PPEF1: variants seen among roughly 807,000 people sequenced by gnomAD.
PPEF1 encodes serine/threonine-protein phosphatase with EF-hands 1.
Under a neutral mutation model 53.3 loss-of-function variants are expected in PPEF1, and 12 were observed. That is an observed-to-expected ratio of 0.23 (90% CI 0.14 to 0.36). The LOEUF is 0.36. Among genes scored for constraint, PPEF1 ranks in the 10% least tolerant of loss-of-function variants. The pLI is 1.00. For missense variants in PPEF1, 334 were observed against 490.4 expected (o/e 0.68, Z 3.01); for synonymous variants, 165 against 176.7 (o/e 0.93, Z 0.52).
At chrX:18,810,628 T>C (rs1380204468) in intron 12 of PPEF1, among the ~76,000 whole-genome samples, 3 of 112,298 alleles carry the variant, frequency 2.7e-5, no homozygotes, top group East Asian at 5.5e-4. Flanking sequence ...GATCACACAA[T>C]ATGTGGTCTT....
chrX:18,696,153 C>T (rs1217414149), intron 4 of PPEF1, among the ~76,000 whole-genome samples: 1 of 110,150 alleles, frequency 9.1e-6, no homozygotes, highest in Non-Finnish European at 1.9e-5. Context: ...TAGAGTCCTT[C>T]GATTTTTTTT....
chrX:18,741,994 C>T (rs1252745022), intron 3 of PPEF1, among the ~76,000 whole-genome samples: 8 of 109,322 alleles, frequency 7.3e-5, no homozygotes, highest in Non-Finnish European at 1.1e-4. Flanking sequence ...GATGGGGTTT[C>T]GCCTTGTTGG....
In PPEF1 at chrX:18,812,006, T is replaced by C. The variant is rs1027616110; in HGVS notation, c.1394+5461T>C. On this transcript the variant is annotated intron_variant, in intron 12 of 15. Transcript: ENST00000470157. ...TTTGTAGTGCAAACATTTTTCATTT[T>C]GATGAAATCCAATTTATGTGCTTTT... Among the ~76,000 whole-genome samples, 4 of 111,773 alleles carry C rather than the reference T, an allele frequency of 3.6e-5. No individual in the cohort carries two copies. In the East Asian group the frequency reaches 8.4e-4, roughly 23 times the overall value.
chrX:18,693,273 G>A (rs751505406), intron 4 of PPEF1, among the ~76,000 whole-genome samples: 2 of 111,895 alleles, frequency 1.8e-5, no homozygotes, highest in African/African-American at 3.2e-5. Flanking sequence ...ATAAGTTGAA[G>A]TCCAGATTCT....
intron 2 of PPEF1, 34 bp from the exon 3 acceptor site, chrX:18,733,714 C>G (rs2044893563): frequency 9.0e-7 from 1 of 1,110,694 alleles, no homozygotes. Flanking sequence ...GTTTGGGGTT[C>G]ACTAATTGAT....
upstream of PPEF1, among the ~76,000 whole-genome samples, chrX:18,702,729 C>T (rs1411932220): frequency 9.0e-6 from 1 of 110,684 alleles, no homozygotes; most frequent in Non-Finnish European, 1.9e-5. Flanking sequence ...ACAGTAAAAA[C>T]CTTTTAGCGG....
rs2147776604 is a variant in PPEF1, at chrX:18,827,561, C to G, written c.*74C>G. The G allele has an allele frequency of 3.6e-6, 3 of 823,742 alleles. No homozygotes were observed. Among genetic ancestry groups the G allele is most frequent in the Non-Finnish European group, 5.3e-6 (3 of 566,024 alleles). 67.9% of individuals were successfully genotyped at this position (823,742 alleles called of 1,213,427 possible). On this transcript the variant is annotated 3_prime_UTR_variant, in exon 16 of 16. Coordinates refer to ENST00000470157, the MANE Select transcript of PPEF1 (RefSeq NM_001377996.1). ...TCACAAGTACAGTCCTTTCCAACAC[C>G]CCTGAAATTCATAGTCAGTAGCAGA... is the stretch of plus-strand genomic sequence containing the variant.
In PPEF1 at chrX:18,734,625, A is replaced by G. The variant is rs1480894797; in HGVS notation, c.235+817A>G. ...TCTCTTTATAGCAGCATGATTTATA[A>G]TCCTTTGGGTATATACCCAGTAACG... On this transcript the variant is annotated intron_variant, in intron 3 of 15. Coordinates refer to ENST00000470157, the MANE Select transcript of PPEF1 (RefSeq NM_001377996.1). Among the ~76,000 whole-genome samples the G allele has an allele frequency of 3.6e-5, 4 of 111,357 alleles. No individual in the cohort carries two copies. The East Asian group carries it at 1.1e-3, about 32-fold the overall frequency.
At chrX:18,695,553 G>C (rs759428140) in intron 4 of PPEF1, among the ~76,000 whole-genome samples, 1 of 111,848 alleles carries the variant, frequency 8.9e-6, no homozygotes, top group Admixed American at 9.5e-5. Flanking sequence ...AGGTTTTATA[G>C]CTTTGTCCCA....
At chrX:18,805,017 C>T (rs964221759) in intron 11 of PPEF1, among the ~76,000 whole-genome samples, 38 of 108,792 alleles carry the variant, frequency 3.5e-4, no homozygotes, top group African/African-American at 1.2e-3. Context: ...GACAGAGTCT[C>T]GCTGTGTTGT....
intron 6 of PPEF1, among the ~76,000 whole-genome samples, chrX:18,769,462 A>G (rs771276001): frequency 5.4e-5 from 6 of 111,797 alleles, no homozygotes; most frequent in South Asian, 3.7e-4. Flanking sequence ...TTTTAGATCA[A>G]TATCACCAAA....
At chrX:18,733,620 A>G in intron 2 of PPEF1, 128 bp from the exon 3 acceptor site, 1 of 510,965 alleles carries the variant, frequency 2.0e-6, no homozygotes, top group Non-Finnish European at 3.3e-6. Flanking sequence ...AGTGACCCTT[A>G]GCACCTGCAG....
chrX:18,784,525 T>C (rs2046161627), intron 9 of PPEF1, among the ~76,000 whole-genome samples: 1 of 109,770 alleles, frequency 9.1e-6, no homozygotes, highest in Non-Finnish European at 1.9e-5. Flanking sequence ...ACCGAAACTC[T>C]GGACCCATTA....
intron 7 of PPEF1, 138 bp downstream of exon 7, chrX:18,779,314 A>G (rs1303665033): frequency 3.9e-6 from 2 of 515,762 alleles, no homozygotes; most frequent in African/African-American, 2.4e-5. Context: ...TTCAATTCTT[A>G]CCCCTTTCAC....
chrX:18,696,783 T>C (rs1055848726), intron 4 of PPEF1, among the ~76,000 whole-genome samples: 7 of 111,170 alleles, frequency 6.3e-5, no homozygotes, highest in African/African-American at 2.0e-4. Flanking sequence ...TCAGAAGAGC[T>C]GGGAGGCCAG....
intron 6 of PPEF1, among the ~76,000 whole-genome samples, chrX:18,762,317 AT>A (rs775604055): frequency 8.9e-6 from 1 of 111,902 alleles, no homozygotes; most frequent in East Asian, 2.8e-4. Flanking sequence ...TGATTAATGC[AT>A]TTATTGTTCA....
At chrX:18,826,417 CTTTTTTTTTTTT>C (rs58697941) in intron 15 of PPEF1, among the ~76,000 whole-genome samples, 9 of 24,626 alleles carry the variant, frequency 3.7e-4, no homozygotes, top group African/African-American at 1.0e-3. Flanking sequence ...TCATTTTCTG[CTTTTTTTTTTTT>C]TTTTTTTTTT....
chrX:18,679,724 A>G (rs1329711746), upstream of PPEF1, among the ~76,000 whole-genome samples: 2 of 111,019 alleles, frequency 1.8e-5, no homozygotes, highest in Admixed American at 1.9e-4. Flanking sequence ...AAAACCCTTC[A>G]ATGGCTCCCT....
intron 15 of PPEF1, 133 bp downstream of exon 15, chrX:18,825,968 C>T (rs983712323): frequency 2.4e-6 from 1 of 411,500 alleles, no homozygotes; most frequent in East Asian, 4.3e-5. Flanking sequence ...AAGATGGAGG[C>T]CTTGCTTATG....
Sources: gnomAD v4.1 joint callset for allele counts (sites outside exome capture counted in the v4.1 genomes callset) on GRCh38, gnomAD v4.1.1 for gene constraint, MANE v1.5 for transcripts, NCBI Gene and HGNC (gene_info 2026-07-23, HGNC 2026-07-21) for gene names.